Variants in NLGN1 observed in about 807,000 individuals in gnomAD.
NLGN1 encodes the protein neuroligin-1.
Under a neutral mutation model 65.5 loss-of-function variants are expected in NLGN1, and 12 were observed. The ratio of observed to expected loss-of-function variants is 0.18; its 90% CI spans 0.12 to 0.30. The LOEUF (loss-of-function observed/expected upper bound fraction) is 0.30, where lower values mean the gene tolerates loss of function less well. NLGN1 is among the 10% of genes least tolerant of loss of function. NLGN1 has a pLI of 1.00. For synonymous variants in NLGN1, 350 were observed against 359.5 expected (o/e 0.97, Z 0.30); for missense variants, 750 against 1,007.1 (o/e 0.74, Z 3.46).
intron 4 of NLGN1, among the ~76,000 whole-genome samples, chr3:174,242,947 A>G (rs1257840897): frequency 6.6e-6 from 1 of 152,158 alleles, no homozygotes; most frequent in Non-Finnish European, 1.5e-5. Flanking sequence ...AAACTTTATA[A>G]TTACTTCTAG....
chr3:173,426,384 G>A (rs962528543), intron 1 of NLGN1, among the ~76,000 whole-genome samples: 3 of 151,836 alleles, frequency 2.0e-5, no homozygotes, highest in African/African-American at 7.3e-5. Flanking sequence ...TAAAAGTGAT[G>A]AAACTAGGTA....
intron 3 of NLGN1, among the ~76,000 whole-genome samples, chr3:173,763,787 G>GA (rs748505454): frequency 3.3e-5 from 5 of 151,258 alleles, no homozygotes; most frequent in Admixed American, 6.6e-5. Flanking sequence ...TAAAGAGGAG[G>GA]AAAAAAAAGT....
chr3:173,625,508 C>T (rs1754683022), intron 3 of NLGN1, among the ~76,000 whole-genome samples: 1 of 152,056 alleles, frequency 6.6e-6, no homozygotes, highest in South Asian at 2.1e-4. Flanking sequence ...TTTCCAAGGG[C>T]ATGTGGAAAA....
intron 4 of NLGN1, among the ~76,000 whole-genome samples, chr3:174,229,110 C>T (rs1258522497): frequency 6.6e-6 from 1 of 152,086 alleles, no homozygotes; most frequent in Non-Finnish European, 1.5e-5. Flanking sequence ...AGTCTTTTAA[C>T]TTCTTCACTG....
At chr3:173,450,468 G>A (rs935907974) in intron 2 of NLGN1, among the ~76,000 whole-genome samples, 13 of 152,138 alleles carry the variant, frequency 8.5e-5, no homozygotes, top group African/African-American at 1.4e-4. Context: ...TGGGTAACCC[G>A]ACCTTTCTCT....
At chr3:173,410,436 A>G (rs1232140416) in intron 1 of NLGN1, among the ~76,000 whole-genome samples, 3 of 152,188 alleles carry the variant, frequency 2.0e-5, no homozygotes, top group Admixed American at 6.5e-5. Flanking sequence ...CGCTACCTCA[A>G]TTGTGACAGT....
intron 3 of NLGN1, among the ~76,000 whole-genome samples, chr3:173,647,353 A>G (rs915659611): frequency 6.6e-6 from 1 of 152,138 alleles, no homozygotes; most frequent in Non-Finnish European, 1.5e-5. Context: ...CATAATTGAC[A>G]TATATATAAA....
intron 1 of NLGN1, among the ~76,000 whole-genome samples, chr3:173,430,651 C>G (rs1426706619): frequency 1.3e-5 from 2 of 152,152 alleles, no homozygotes; most frequent in African/African-American, 2.4e-5. Flanking sequence ...GAGGTGTGAC[C>G]TAGTGGAAAG....
intron 3 of NLGN1, among the ~76,000 whole-genome samples, chr3:173,714,096 C>T (rs1769445964): frequency 6.6e-6 from 1 of 152,048 alleles, no homozygotes; most frequent in Admixed American, 6.5e-5. Flanking sequence ...TAAATTATAA[C>T]ATTAAATTGG....
At chr3:173,969,880 T>TG (rs973414637) in intron 4 of NLGN1, among the ~76,000 whole-genome samples, 50 of 151,986 alleles carry the variant, frequency 3.3e-4, no homozygotes, top group African/African-American at 1.2e-3. Flanking sequence ...TATTTGAAAT[T>TG]GCAGATTTCT....
chr3:173,785,945 T>TGAGA (rs1560367433), intron 3 of NLGN1, among the ~76,000 whole-genome samples: 1 of 152,090 alleles, frequency 6.6e-6, no homozygotes. Context: ...TACTCCCCAG[T>TGAGA]GAGAGGTAGA....
intron 4 of NLGN1, among the ~76,000 whole-genome samples, chr3:174,137,237 A>G (rs1441147472): frequency 6.6e-6 from 1 of 152,162 alleles, no homozygotes; most frequent in African/African-American, 2.4e-5. Context: ...TTCCTGAAAT[A>G]TGTTTCTATG....
In NLGN1 at chr3:173,700,514, A is replaced by T. The variant is rs529401645; in HGVS notation, c.493+95423A>T. Among the ~76,000 whole-genome samples the T allele has an allele frequency of 6.6e-5, 10 of 152,350 alleles. No individual in the cohort carries two copies. In the South Asian group the frequency reaches 2.1e-3, roughly 32 times the overall value. On this transcript the variant is annotated intron_variant, in intron 3 of 6. Transcript: ENST00000457714. ...CTGAACAGTAGTGGTTTATGTTTTC[A>T]TAATGAGTTCCTTGTATTGAATGTG...
chr3:174,267,615 T>C (rs1171814384), intron 4 of NLGN1, among the ~76,000 whole-genome samples: 1 of 152,088 alleles, frequency 6.6e-6, no homozygotes, highest in Non-Finnish European at 1.5e-5. Flanking sequence ...CCACCCAGGA[T>C]TGTCCTATTT....
At chr3:173,895,816 A>AATCAC (rs1736252780) in intron 4 of NLGN1, among the ~76,000 whole-genome samples, 1 of 151,682 alleles carries the variant, frequency 6.6e-6, no homozygotes, top group Non-Finnish European at 1.5e-5. Flanking sequence ...TCAGCCTCCC[A>AATCAC]AGTAGCTGTG....
intron 3 of NLGN1, among the ~76,000 whole-genome samples, chr3:173,659,765 G>A (rs1435298595): frequency 6.6e-6 from 1 of 151,852 alleles, no homozygotes; most frequent in Non-Finnish European, 1.5e-5. Context: ...GCGTGTGTAT[G>A]TGTGTGTGTA....
chr3:173,795,318 T>C (rs1376045774), intron 3 of NLGN1, among the ~76,000 whole-genome samples: 2 of 152,120 alleles, frequency 1.3e-5, no homozygotes, highest in South Asian at 2.1e-4. Context: ...AATACAAACG[T>C]ATGACATTCT....
At chr3:173,457,135 GT>G (rs1352871507) in intron 2 of NLGN1, among the ~76,000 whole-genome samples, 2 of 152,086 alleles carry the variant, frequency 1.3e-5, no homozygotes, top group African/African-American at 2.4e-5. Context: ...ACACAGAAGG[GT>G]GGTGAATGAG....
intron 3 of NLGN1, among the ~76,000 whole-genome samples, chr3:173,702,727 G>T (rs4349527): frequency 0.16 from 23,582 of 152,102 alleles, 1,850 homozygotes; most frequent in Non-Finnish European, 0.18. Flanking sequence ...CAGGTTTGTG[G>T]ATGACACTTC....
Sources: gnomAD v4.1 joint callset for allele counts (sites outside exome capture counted in the v4.1 genomes callset) on GRCh38, gnomAD v4.1.1 for gene constraint, MANE v1.5 for transcripts, NCBI Gene and HGNC (gene_info 2026-07-23, HGNC 2026-07-21) for gene names.